The following FBLN7 variants were observed in gnomAD, a reference collection of about 807,000 sequenced individuals.
FBLN7 encodes fibulin 7, also known as fibulin-7.
In FBLN7, 31 loss-of-function variants were observed where a neutral mutation model predicts 44.0. The ratio of observed to expected loss-of-function variants is 0.70; its 90% CI spans 0.53 to 0.95. FBLN7 has a LOEUF of 0.95. FBLN7 is among the 40% of genes least tolerant of loss of function. FBLN7 has a pLI of 0.00. For missense variants in FBLN7, 573 were observed against 618.5 expected (o/e 0.93, Z 0.78); for synonymous variants, 262 against 253.4 (o/e 1.03, Z -0.32).
the FBLN7 span, among the ~76,000 whole-genome samples, chr2:112,206,552 G>T: frequency 6.6e-6 from 1 of 152,100 alleles, no homozygotes; most frequent in African/African-American, 2.4e-5. Flanking sequence ...CTCCCAAGTA[G>T]CTGGAACTAC....
chr2:112,181,814 A>C lies in FBLN7; in HGVS notation c.608A>C (p.Gln203Pro). 6.6e-7 allele frequency: 1 copy of C among 1,512,340 alleles called. No individual in the cohort carries two copies. The highest frequency in any genetic ancestry group is 8.8e-7 in the Non-Finnish European group (1 of 1,137,064). The allele number at this position is 1,512,340 out of a possible 1,614,324, so 93.7% of individuals were successfully genotyped here. The change falls in exon 5 of 8, where the codon CAG (glutamine) becomes CCG (proline). Residue 203 changes from glutamine (Q) to proline (P), a missense_variant. Coordinates refer to ENST00000331203, the MANE Select transcript of FBLN7 (RefSeq NM_153214.3). ...APRCAQVERA[Q>P]HCSCEAGFHL... Reference sequence around the variant, plus strand: ...CGCTGTGCGCAGGTGGAGCGGGCTCAGCACTGCAGCTGCGAGGCCGGATTC... The same window carrying C: ...CGCTGTGCGCAGGTGGAGCGGGCTCCGCACTGCAGCTGCGAGGCCGGATTC...
the FBLN7 span, among the ~76,000 whole-genome samples, chr2:112,241,496 G>A: frequency 6.6e-6 from 1 of 152,312 alleles, no homozygotes; most frequent in Admixed American, 6.5e-5. Flanking sequence ...CTTGAATTCA[G>A]AAAATTCAGT....
chr2:112,179,529 AC>A (rs1682882033), intron 4 of FBLN7, among the ~76,000 whole-genome samples: 1 of 152,172 alleles, frequency 6.6e-6, no homozygotes, highest in South Asian at 2.1e-4. Flanking sequence ...GATCCTGAAT[AC>A]CCAAGGCAAT....
chr2:112,144,117 T>A (rs1392166912), intron 1 of FBLN7, among the ~76,000 whole-genome samples: 1 of 152,228 alleles, frequency 6.6e-6, no homozygotes, highest in Non-Finnish European at 1.5e-5. Context: ...TATTTCCATT[T>A]ACAAAATATA....
At chr2:112,152,943 C>T (rs898574885) in intron 1 of FBLN7, 3 of 152,074 alleles carry the variant, frequency 2.0e-5, no homozygotes, top group Non-Finnish European at 2.9e-5. Context: ...CATATGTATA[C>T]GTATGCATGT....
chr2:112,156,817 A>T (rs1454945007), intron 1 of FBLN7, among the ~76,000 whole-genome samples: 1 of 152,188 alleles, frequency 6.6e-6, no homozygotes, highest in African/African-American at 2.4e-5. Context: ...GCATCCATTC[A>T]GTCTGGCCAG....
intron 2 of FBLN7, 147 bp downstream of exon 2, chr2:112,159,982 A>ATTAT (rs979515176): frequency 8.2e-5 from 45 of 546,530 alleles, no homozygotes; most frequent in Admixed American, 2.8e-4. Context: ...TTTTTTATTT[A>ATTAT]TTATTTATTT....
At chr2:112,241,683 T>C in the FBLN7 span, among the ~76,000 whole-genome samples, 1 of 152,238 alleles carries the variant, frequency 6.6e-6, no homozygotes, top group Non-Finnish European at 1.5e-5. Flanking sequence ...GATATTTTCA[T>C]GTATCACATT....
chr2:112,231,947 T>C, the FBLN7 span: 1 of 1,507,688 alleles, frequency 6.6e-7, no homozygotes, highest in Non-Finnish European at 9.1e-7. Context: ...AGGATATTCA[T>C]GTAACCCAAG....
the FBLN7 span, chr2:112,213,049 A>C: frequency 6.7e-6 from 1 of 149,618 alleles, no homozygotes; most frequent in East Asian, 2.0e-4. Context: ...GACTCACTGC[A>C]ACCTCGAATT....
At chr2:112,179,437 A>G (rs2104598416) in intron 4 of FBLN7, among the ~76,000 whole-genome samples, 1 of 152,352 alleles carries the variant, frequency 6.6e-6, no homozygotes, top group East Asian at 1.9e-4. Context: ...TACAGATTCA[A>G]TGCTATTCCT....
chr2:112,146,318 A>G (rs1256715547), intron 1 of FBLN7, among the ~76,000 whole-genome samples: 1 of 152,150 alleles, frequency 6.6e-6, no homozygotes, highest in Non-Finnish European at 1.5e-5. Flanking sequence ...CAAGAGCAAA[A>G]CTCTGTCTCA....
the FBLN7 span, chr2:112,236,727 A>G: frequency 2.6e-6 from 4 of 1,555,008 alleles, no homozygotes; most frequent in Non-Finnish European, 3.5e-6. Context: ...AAAAAATGAC[A>G]TAAAGTTACA....
At chr2:112,151,172 CTGGATTCCGT>C (rs1264773615) in intron 1 of FBLN7, 2 of 152,384 alleles carry the variant, frequency 1.3e-5, no homozygotes, top group East Asian at 3.9e-4. Flanking sequence ...ACGGATTCCG[CTGGATTCCGT>C]GGGCAAACGG....
intron 3 of FBLN7, among the ~76,000 whole-genome samples, chr2:112,167,856 T>C (rs1230562650): frequency 1.1e-5 from 1 of 92,820 alleles, no homozygotes; most frequent in East Asian, 2.3e-4. Flanking sequence ...GTCATCTCTG[T>C]CCAGGAAAGA....
chr2:112,176,074 G>A (rs1682724927), intron 4 of FBLN7: 1 of 358,040 alleles, frequency 2.8e-6, no homozygotes, highest in Admixed American at 4.5e-5. Flanking sequence ...GAAAACACAA[G>A]CGCAAGAACT....
At chr2:112,201,694 A>G in the FBLN7 span, among the ~76,000 whole-genome samples, 3 of 152,204 alleles carry the variant, frequency 2.0e-5, no homozygotes, top group African/African-American at 7.2e-5. Context: ...AGAATCCTTC[A>G]CAGCTACACA....
At chr2:112,239,880 C>T in the FBLN7 span, among the ~76,000 whole-genome samples, 2 of 152,086 alleles carry the variant, frequency 1.3e-5, no homozygotes, top group Non-Finnish European at 2.9e-5. Context: ...CCACCATGCC[C>T]GGCAACAGTT....
the FBLN7 span, among the ~76,000 whole-genome samples, chr2:112,207,584 A>G: frequency 2.0e-5 from 3 of 152,114 alleles, no homozygotes; most frequent in East Asian, 1.9e-4. Flanking sequence ...TGTTCCGTCT[A>G]TTAGTTGTAT....
Sources: allele counts gnomAD v4.1 joint callset (sites outside exome capture counted in the v4.1 genomes callset), GRCh38; gene constraint gnomAD v4.1.1; transcripts MANE v1.5; gene names NCBI Gene and HGNC (gene_info 2026-07-23, HGNC 2026-07-21).